Variants in TLR6 observed in about 807,000 individuals in gnomAD.
The protein encoded by TLR6 is toll-like receptor 6.
Under a neutral mutation model 16.1 loss-of-function variants are expected in TLR6, and 9 were observed. The ratio of observed to expected loss-of-function variants is 0.56; its 90% CI spans 0.34 to 0.98. TLR6 has a LOEUF of 0.98. TLR6 is among the 50% of genes least tolerant of loss of function. The pLI, the probability that TLR6 is intolerant of heterozygous loss-of-function variation, is 0.02. For synonymous variants in TLR6, 340 were observed against 338.6 expected (o/e 1.00, Z -0.04); for missense variants, 786 against 921.0 (o/e 0.85, Z 1.90).
At chr4:38,823,376 T>A (rs1158709056), downstream of TLR6, among the ~76,000 whole-genome samples, 3 of 152,140 alleles carry the variant, frequency 2.0e-5, no homozygotes, top group Non-Finnish European at 4.4e-5. Flanking sequence ...TCTGTGTGAG[T>A]GCACTCTATG....
At chr4:38,827,238 T>C (rs772908815) in exon 2 of TLR6, 1 of 1,614,196 alleles carries the variant, frequency 6.2e-7, no homozygotes, top group South Asian at 1.1e-5. Context: ...TGGTACTTGT[T>C]GGGAATGCTG....
intron 1 of TLR6, among the ~76,000 whole-genome samples, chr4:38,849,018 C>T (rs1712656878): frequency 6.6e-6 from 1 of 152,156 alleles, no homozygotes; most frequent in Non-Finnish European, 1.5e-5. Context: ...ATGTTAAGGG[C>T]AGCCAGAGAG....
upstream of TLR6, among the ~76,000 whole-genome samples, chr4:38,859,884 T>C (rs1420936402): frequency 6.6e-6 from 1 of 152,002 alleles, no homozygotes; most frequent in Non-Finnish European, 1.5e-5. Flanking sequence ...ATTTTATGCT[T>C]TTTGTCCTAT....
At chr4:38,846,864 A>C (rs1007213425) in intron 1 of TLR6, among the ~76,000 whole-genome samples, 1 of 152,128 alleles carries the variant, frequency 6.6e-6, no homozygotes, top group African/African-American at 2.4e-5. Flanking sequence ...TGTTAGAAAA[A>C]TATTTGTAAG....
intron 1 of TLR6, among the ~76,000 whole-genome samples, chr4:38,829,902 T>C (rs1171611778): frequency 6.6e-6 from 1 of 152,242 alleles, no homozygotes; most frequent in East Asian, 1.9e-4. Flanking sequence ...TGCAGCCACC[T>C]GAGCAAGGGC....
intron 1 of TLR6, 37 bp from the exon 2 acceptor site, chr4:38,829,574 G>A (rs1277676677): frequency 1.0e-4 from 73 of 707,824 alleles, no homozygotes; most frequent in Non-Finnish European, 5.6e-5. Context: ...AATAAAGATC[G>A]GATGGTTACT....
upstream of TLR6, among the ~76,000 whole-genome samples, chr4:38,858,741 AAGAG>A (rs201909359): frequency 1.8e-3 from 183 of 100,068 alleles, 2 homozygotes; most frequent in African/African-American, 5.4e-3. Flanking sequence ...GAAAGAAAGA[AAGAG>A]AGAGAGAGAG....
chr4:38,833,268 G>A (rs1711718863), intron 1 of TLR6, among the ~76,000 whole-genome samples: 1 of 152,140 alleles, frequency 6.6e-6, no homozygotes, highest in Non-Finnish European at 1.5e-5. Context: ...CACCACGAGT[G>A]CCCACATATT....
chr4:38,846,448 C>A (rs1712534558), intron 1 of TLR6, among the ~76,000 whole-genome samples: 1 of 152,058 alleles, frequency 6.6e-6, no homozygotes, highest in African/African-American at 2.4e-5. Context: ...TTGCAAATAG[C>A]ACCACTAATG....
At position 38,825,664 on chromosome 4, in the gene TLR6, C is replaced by T. The variant is rs45536338; in HGVS notation, c.*1419G>A. The T allele has an allele frequency of 7.6e-3, 1,163 of 152,656 alleles. 6 individuals are homozygous for T. The highest frequency in any genetic ancestry group is 0.038 in the South Asian group (184 of 4,826). 9.5% of individuals were successfully genotyped at this position (152,656 alleles called of 1,614,324 possible). A position where few individuals can be genotyped will look rare whatever the true frequency, so the allele number is the denominator to read the frequency against. On this transcript the variant is annotated 3_prime_UTR_variant, in exon 2 of 2. Coordinates refer to ENST00000436693, the Ensembl canonical transcript of TLR6. ...GCTGACCTCTTGCAGCAACCTCCAC[C>T]CCAAACCCCTCTTCTGCCTAACCCC...
intron 1 of TLR6, among the ~76,000 whole-genome samples, chr4:38,844,837 T>C (rs989097224): frequency 1.3e-5 from 2 of 152,242 alleles, no homozygotes; most frequent in Middle Eastern, 3.4e-3. Context: ...GTGGATCTCC[T>C]GAGGTAAGGA....
chr4:38,861,338 A>C (rs1713189986), upstream of TLR6, among the ~76,000 whole-genome samples: 1 of 151,998 alleles, frequency 6.6e-6, no homozygotes, highest in African/African-American at 2.4e-5. Context: ...ACCCTACCTC[A>C]GTCATGCATT....
downstream of TLR6, among the ~76,000 whole-genome samples, chr4:38,823,061 G>A (rs1727391653): frequency 6.6e-6 from 1 of 152,092 alleles, no homozygotes; most frequent in Non-Finnish European, 1.5e-5. Flanking sequence ...CAGATTTCAT[G>A]AGACCCATTC....
chr4:38,856,332 T>C (rs1025365532), intron 1 of TLR6, among the ~76,000 whole-genome samples: 6 of 152,244 alleles, frequency 3.9e-5, no homozygotes, highest in Middle Eastern at 3.4e-3. Context: ...ACTGTTACAG[T>C]GACAAACGAC....
intron 1 of TLR6, among the ~76,000 whole-genome samples, chr4:38,853,206 A>G (rs1272949184): frequency 4.3e-5 from 6 of 137,960 alleles, no homozygotes; most frequent in African/African-American, 1.4e-4. Context: ...CAGGAAAGGG[A>G]ACATAACACA....
chr4:38,858,814 G>GAGAGAGAGAGA (rs1234903987), upstream of TLR6, among the ~76,000 whole-genome samples: 4 of 30,482 alleles, frequency 1.3e-4, no homozygotes, highest in South Asian at 8.5e-4. Flanking sequence ...AGAGAGAGAG[G>GAGAGAGAGAGA]GAGAGAGAGA....
chr4:38,834,255 T>C (rs1183882371), intron 1 of TLR6, among the ~76,000 whole-genome samples: 1 of 137,568 alleles, frequency 7.3e-6, no homozygotes, highest in Admixed American at 7.5e-5. Context: ...AAAATATATA[T>C]ATAAAATTAA....
At chr4:38,863,453 A>AT in the TLR6 span, among the ~76,000 whole-genome samples, 3 of 152,256 alleles carry the variant, frequency 2.0e-5, no homozygotes, top group South Asian at 6.2e-4. Flanking sequence ...CTCACATTCA[A>AT]TAGCCTGCTA....
intron 1 of TLR6, among the ~76,000 whole-genome samples, chr4:38,855,152 C>T (rs1712930057): frequency 6.7e-6 from 1 of 148,440 alleles, no homozygotes; most frequent in Admixed American, 6.8e-5. Context: ...GCGGAGCTTG[C>T]AGTGAGCCGA....
Sources: allele counts gnomAD v4.1 joint callset (sites outside exome capture counted in the v4.1 genomes callset), GRCh38; gene constraint gnomAD v4.1.1; transcripts MANE v1.5; gene names NCBI Gene and HGNC (gene_info 2026-07-23, HGNC 2026-07-21).